Variants in CDC42SE2 observed in about 807,000 individuals in gnomAD.
CDC42SE2 encodes CDC42 small effector protein 2.
CDC42SE2 carries 3 observed loss-of-function variants against 11.5 expected under a neutral mutation model. The ratio of observed to expected loss-of-function variants is 0.26; its 90% CI spans 0.12 to 0.67. The LOEUF (loss-of-function observed/expected upper bound fraction) is 0.67. Among genes scored for constraint, CDC42SE2 ranks in the 30% least tolerant of loss-of-function variants. The pLI, the probability that CDC42SE2 is intolerant of heterozygous loss-of-function variation, is 0.80. For missense variants in CDC42SE2, 82 were observed against 106.8 expected, an observed-to-expected ratio of 0.77 and a Z score of 1.02; for synonymous variants, 33 against 34.8, an observed-to-expected ratio of 0.95 and a Z score of 0.18.
intron 3 of CDC42SE2, among the ~76,000 whole-genome samples, chr5:131,362,838 A>G (rs190754007): frequency 7.9e-5 from 12 of 152,268 alleles, no homozygotes; most frequent in African/African-American, 2.9e-4. Context: ...CTGCCCTGCA[A>G]TTTAATTTTT....
intron 1 of CDC42SE2, among the ~76,000 whole-genome samples, chr5:131,311,799 C>T (rs951327767): frequency 1.3e-5 from 2 of 152,148 alleles, no homozygotes; most frequent in African/African-American, 4.8e-5. Flanking sequence ...TCCATCAGCT[C>T]CTTTAAGCAC....
intron 1 of CDC42SE2, among the ~76,000 whole-genome samples, chr5:131,272,174 C>T (rs1231121464): frequency 1.3e-5 from 2 of 152,022 alleles, no homozygotes; most frequent in Middle Eastern, 3.4e-3. Flanking sequence ...CCATGCCCGG[C>T]TGATTTTTGT....
the CDC42SE2 span, among the ~76,000 whole-genome samples, chr5:131,228,821 C>T: frequency 6.6e-6 from 1 of 152,142 alleles, no homozygotes; most frequent in Non-Finnish European, 1.5e-5. Flanking sequence ...GCACATGCAC[C>T]AAGGAAGGCC....
rs1331113230 is a variant in CDC42SE2 at position 131,341,948 on chromosome 5, AT to A, written c.-285-17258del. 3.3e-5 allele frequency among the ~76,000 whole-genome samples: 5 copies of A among 151,962 alleles called. No homozygotes were observed. The East Asian group carries it at 7.7e-4, about 23-fold the overall frequency. On this transcript the variant is annotated intron_variant, in intron 2 of 4. Transcript: ENST00000505065. ...ATACCAAGTAGTCTAAAAATTGATA[AT>A]TTGAGAAGTAGCAATGGGCATCTTA...
intron 1 of CDC42SE2, among the ~76,000 whole-genome samples, chr5:131,295,360 GT>G (rs1016369705): frequency 2.0e-5 from 3 of 151,944 alleles, no homozygotes; most frequent in African/African-American, 7.3e-5. Flanking sequence ...ATAAAGATAA[GT>G]ATTGGCAGTG....
intron 3 of CDC42SE2, among the ~76,000 whole-genome samples, chr5:131,376,483 G>A (rs1750160299): frequency 6.6e-6 from 1 of 152,110 alleles, no homozygotes; most frequent in Non-Finnish European, 1.5e-5. Flanking sequence ...TAAATATTCA[G>A]CTGTTAATCT....
At chr5:131,308,503 G>C (rs1757827014) in intron 1 of CDC42SE2, among the ~76,000 whole-genome samples, 1 of 151,820 alleles carries the variant, frequency 6.6e-6, no homozygotes, top group East Asian at 1.9e-4. Flanking sequence ...TAGCTTGATG[G>C]GGATGGCATT....
At chr5:131,336,156 C>T (rs534499179) in intron 2 of CDC42SE2, among the ~76,000 whole-genome samples, 1 of 152,266 alleles carries the variant, frequency 6.6e-6, no homozygotes, top group South Asian at 2.1e-4. Flanking sequence ...TCTTTTAGGG[C>T]AGGCCTGGTG....
intron 2 of CDC42SE2, among the ~76,000 whole-genome samples, chr5:131,327,558 G>A (rs1287241446): frequency 6.6e-6 from 1 of 151,968 alleles, no homozygotes; most frequent in Non-Finnish European, 1.5e-5. Context: ...ATGATGTTTT[G>A]GATGTAAAAT....
chr5:131,242,638 A>T (rs75850413), upstream of CDC42SE2, among the ~76,000 whole-genome samples: 4,849 of 152,204 alleles, frequency 0.032, 264 homozygotes, highest in African/African-American at 0.11. Context: ...CACCACCTAT[A>T]CGACAGGAGC....
At chr5:131,214,597 G>A in the CDC42SE2 span, among the ~76,000 whole-genome samples, 4 of 152,120 alleles carry the variant, frequency 2.6e-5, no homozygotes, top group African/African-American at 7.2e-5. Context: ...TTTATACACA[G>A]GAGCTTTAAA....
chr5:131,374,486 G>A (rs1462426684), intron 3 of CDC42SE2, among the ~76,000 whole-genome samples: 1 of 147,620 alleles, frequency 6.8e-6, no homozygotes, highest in Non-Finnish European at 1.5e-5. Context: ...AGGCGAGATC[G>A]TGCCACTGCA....
At chr5:131,276,359 G>A (rs557519874) in intron 1 of CDC42SE2, among the ~76,000 whole-genome samples, 30 of 151,580 alleles carry the variant, frequency 2.0e-4, no homozygotes, top group Non-Finnish European at 4.1e-4. Context: ...TGAGGTGGGC[G>A]GATTGCTTGA....
chr5:131,317,988 T>C (rs185982921), intron 2 of CDC42SE2, among the ~76,000 whole-genome samples: 246 of 152,260 alleles, frequency 1.6e-3, no homozygotes, highest in Non-Finnish European at 2.9e-3. Flanking sequence ...GCTCTTTGCC[T>C]AGGCCTATGT....
intron 3 of CDC42SE2, among the ~76,000 whole-genome samples, chr5:131,365,206 T>A (rs184232438): frequency 6.4e-4 from 98 of 151,950 alleles, no homozygotes; most frequent in African/African-American, 2.2e-3. Context: ...AGGAGAATTG[T>A]TTGAGACTGG....
chr5:131,326,457 G>T (rs1363878902), intron 2 of CDC42SE2, among the ~76,000 whole-genome samples: 1 of 152,076 alleles, frequency 6.6e-6, no homozygotes, highest in African/African-American at 2.4e-5. Context: ...CATGCTTTTT[G>T]GGCTATTATA....
In CDC42SE2 at chr5:131,376,851, A is replaced by G. The variant is rs184198568; in HGVS notation, c.55-8692A>G. 2.6e-4 allele frequency among the ~76,000 whole-genome samples: 39 copies of G among 152,290 alleles called. No individual in the cohort carries two copies. In the East Asian group the frequency reaches 4.6e-3, roughly 18 times the overall value. The stretch of plus-strand genomic sequence containing the variant: ...CTTTTTTATGGTTGTGTGGTATTCC[A>G]TGGTGTATATGTACCACGTTTTCTT... On this transcript the variant is annotated intron_variant, in intron 3 of 4. Coordinates refer to ENST00000505065, the MANE Select transcript of CDC42SE2 (RefSeq NM_001375635.1).
intron 1 of CDC42SE2, among the ~76,000 whole-genome samples, chr5:131,306,300 G>A (rs1757776287): frequency 6.6e-6 from 1 of 152,106 alleles, no homozygotes; most frequent in African/African-American, 2.4e-5. Context: ...ATCTGCAGGG[G>A]GTCTTGGAAC....
At chr5:131,336,971 G>C (rs542425234) in intron 2 of CDC42SE2, among the ~76,000 whole-genome samples, 1 of 152,094 alleles carries the variant, frequency 6.6e-6, no homozygotes, top group South Asian at 2.1e-4. Context: ...CTGTCAGCTC[G>C]TCAGTCATTC....
Sources: allele counts gnomAD v4.1 joint callset (sites outside exome capture counted in the v4.1 genomes callset), GRCh38; gene constraint gnomAD v4.1.1; transcripts MANE v1.5; gene names NCBI Gene and HGNC (gene_info 2026-07-23, HGNC 2026-07-21).